Variants in DLC1 observed in about 807,000 individuals in gnomAD.
DLC1 encodes the protein rho GTPase-activating protein 7.
A neutral mutation model predicts 140.3 loss-of-function variants in DLC1; 54 were observed. That is an observed-to-expected ratio of 0.38 (90% CI 0.31 to 0.48). The LOEUF is 0.48. DLC1 is among the 20% of genes least tolerant of loss of function. The pLI, the probability that DLC1 is intolerant of heterozygous loss-of-function variation, is 0.96. For missense variants in DLC1, 2,536 were observed against 1,907.0 expected (o/e 1.33, Z -6.14); for synonymous variants, 986 against 728.1 (o/e 1.35, Z -5.70).
chr8:13,492,131 T>G (rs6994000), intron 2 of DLC1, among the ~76,000 whole-genome samples: 139,769 of 152,172 alleles, frequency 0.92, 64,729 homozygotes, highest in Non-Finnish European at 0.97. Context: ...ACTGGGGAAA[T>G]TAAACACCCC....
intron 5 of DLC1, among the ~76,000 whole-genome samples, chr8:13,250,286 T>C (rs1207019347): frequency 1.3e-5 from 2 of 152,236 alleles, no homozygotes; most frequent in African/African-American, 4.8e-5. Context: ...TGTCCCCATC[T>C]GCTCCACTAA....
At chr8:13,326,789 G>C (rs882243) in intron 4 of DLC1, among the ~76,000 whole-genome samples, 1 of 152,160 alleles carries the variant, frequency 6.6e-6, no homozygotes, top group African/African-American at 2.4e-5. Context: ...ATTTTCTTCA[G>C]GTTCTCAGGC....
intron 2 of DLC1, among the ~76,000 whole-genome samples, chr8:13,461,948 T>C (rs572828621): frequency 3.3e-5 from 5 of 152,342 alleles, no homozygotes; most frequent in Middle Eastern, 3.4e-3. Flanking sequence ...TATTTATCTC[T>C]GGTCATATCT....
At chr8:13,096,758 A>G (rs951927183) in intron 10 of DLC1, among the ~76,000 whole-genome samples, 6 of 152,174 alleles carry the variant, frequency 3.9e-5, no homozygotes, top group Non-Finnish European at 8.8e-5. Context: ...TGGAGACAAA[A>G]AGAACAGTTT....
At chr8:13,182,295 C>A (rs1362946350) in intron 5 of DLC1, among the ~76,000 whole-genome samples, 2 of 151,922 alleles carry the variant, frequency 1.3e-5, no homozygotes, top group African/African-American at 4.8e-5. Context: ...ATTGTAGTTT[C>A]TTTTGCTGTG....
intron 1 of DLC1, among the ~76,000 whole-genome samples, chr8:13,577,604 C>T (rs1804889208): frequency 6.6e-6 from 1 of 152,200 alleles, no homozygotes; most frequent in Middle Eastern, 3.4e-3. Context: ...TAATTTAGAA[C>T]CTACATTGTA....
rs754222303 is a variant in DLC1 at position 13,094,963 on chromosome 8, G to A, written c.3328-6C>T. ...GATTTTCTGAAGAGCCCAACCTGTC[G>A]GAAGAGCAACACTAAGTGTGGGGTA... On this transcript the variant is annotated splice_polypyrimidine_tract_variant and splice_region_variant and intron_variant, in intron 11 of 17. Transcript: ENST00000276297. The A allele has an allele frequency of 3.6e-5, 58 of 1,613,986 alleles. No homozygotes were observed. Among genetic ancestry groups the A allele is most frequent in the Non-Finnish European group, 4.4e-5 (52 of 1,179,994 alleles).
intron 2 of DLC1, among the ~76,000 whole-genome samples, chr8:13,416,120 C>A (rs1426687515): frequency 6.6e-6 from 1 of 152,130 alleles, no homozygotes; most frequent in Admixed American, 6.5e-5. Context: ...ACCCATGTAC[C>A]CTGATGCTGG....
chr8:13,544,618 G>C (rs1803595421), intron 1 of DLC1, among the ~76,000 whole-genome samples: 1 of 152,256 alleles, frequency 6.6e-6, no homozygotes, highest in Middle Eastern at 3.4e-3. Flanking sequence ...TCATGCTCTT[G>C]AGAGTAATCA....
At position 13,084,747 on chromosome 8, in the gene DLC1, G is replaced by A. The variant is rs1273703813; in HGVS notation, c.*1064C>T. 2.6e-5 allele frequency: 4 copies of A among 152,082 alleles called. No homozygotes were observed. Among genetic ancestry groups the A allele is most frequent in the African/African-American group, 2.4e-5 (1 of 41,412 alleles). The allele number at this position is 152,082 out of a possible 1,614,324, so 9.4% of individuals were successfully genotyped here. A position where few individuals can be genotyped will look rare whatever the true frequency, so the allele number is the denominator to read the frequency against. On this transcript the variant is annotated 3_prime_UTR_variant, in exon 18 of 18. Transcript: ENST00000276297. ...AGGAATGCCGTTAACAACCAAAGGC[G>A]GGGAAAAAGCCTTTTGTAGGTGAGT...
chr8:13,115,482 C>A, intron 6 of DLC1, 104 bp downstream of exon 6: 4 of 1,103,448 alleles, frequency 3.6e-6, no homozygotes, highest in South Asian at 1.8e-5. Flanking sequence ...AAAAATAAAA[C>A]ATTTAAACGA....
At chr8:13,561,480 A>G (rs972932891) in intron 1 of DLC1, among the ~76,000 whole-genome samples, 1 of 152,232 alleles carries the variant, frequency 6.6e-6, no homozygotes, top group African/African-American at 2.4e-5. Context: ...CTACACGTGC[A>G]GGATTTAATT....
intron 1 of DLC1, among the ~76,000 whole-genome samples, chr8:13,501,462 C>A (rs79996012): frequency 0.018 from 2,796 of 152,224 alleles, 76 homozygotes; most frequent in African/African-American, 0.064. Context: ...TTACTTCACA[C>A]GAGAACTGTC....
chr8:13,462,297 A>G (rs987380331), intron 2 of DLC1, among the ~76,000 whole-genome samples: 1 of 152,174 alleles, frequency 6.6e-6, no homozygotes, highest in African/African-American at 2.4e-5. Flanking sequence ...CATATGACCC[A>G]AGGATGTCTG....
At chr8:13,162,735 T>A (rs1264925373) in intron 5 of DLC1, among the ~76,000 whole-genome samples, 1 of 151,762 alleles carries the variant, frequency 6.6e-6, no homozygotes, top group Non-Finnish European at 1.5e-5. Context: ...AGGCCGGGAG[T>A]TGGAAACCAG....
At chr8:13,586,475 T>A (rs1423450909) in intron 1 of DLC1, among the ~76,000 whole-genome samples, 3 of 152,116 alleles carry the variant, frequency 2.0e-5, no homozygotes, top group Non-Finnish European at 4.4e-5. Context: ...AAGAAATGTG[T>A]TCTCATGGGG....
intron 5 of DLC1, among the ~76,000 whole-genome samples, chr8:13,221,996 A>G (rs951182944): frequency 1.4e-5 from 2 of 146,086 alleles, no homozygotes; most frequent in South Asian, 4.2e-4. Flanking sequence ...TATAATATAT[A>G]ATATTATAAA....
At chr8:13,518,607 T>C (rs1802668620), upstream of DLC1, among the ~76,000 whole-genome samples, 1 of 152,238 alleles carries the variant, frequency 6.6e-6, no homozygotes. Flanking sequence ...TTTACTCTTT[T>C]ATGAAATAAG....
At position 13,115,621 on chromosome 8, in the gene DLC1, G is replaced by A. The variant is rs757243126; in HGVS notation, c.1385C>T (p.Ala462Val). Residue 462 changes from alanine to valine, a missense_variant, in exon 6 of 18, where the codon GCA (alanine) becomes GTA (valine). Physicochemically the swap from Ala to Val is moderately conservative, Grantham distance 64. Transcript: ENST00000276297. ...EAKEACDWLR[A>V]TGFPQYAQLY... Reference sequence around the variant, plus strand: ...CTGTGCATACTGGGGGAAACCAGTTGCCCGTAGCCAATCACAAGCTTCCTT... The same window carrying A: ...CTGTGCATACTGGGGGAAACCAGTTACCCGTAGCCAATCACAAGCTTCCTT... The A allele has an allele frequency of 6.2e-7, 1 of 1,613,910 alleles. No individual in the cohort carries two copies. Among genetic ancestry groups the A allele is most frequent in the East Asian group, 2.2e-5 (1 of 44,880 alleles).
Sources: gnomAD v4.1 joint callset for allele counts (sites outside exome capture counted in the v4.1 genomes callset) on GRCh38, gnomAD v4.1.1 for gene constraint, MANE v1.5 for transcripts, NCBI Gene and HGNC (gene_info 2026-07-23, HGNC 2026-07-21) for gene names.